The following CSTPP1 variants were observed in gnomAD, a reference collection of about 807,000 sequenced individuals.
CSTPP1 encodes the protein UPF0705 protein C11orf49.
At chr11:46,957,947 C>T in the CSTPP1 span, among the ~76,000 whole-genome samples, 1 of 152,122 alleles carries the variant, frequency 6.6e-6, no homozygotes, top group Admixed American at 6.5e-5. Context: ...TATAGATATA[C>T]AGCTGACCCT....
the CSTPP1 span, among the ~76,000 whole-genome samples, chr11:47,112,457 G>T: frequency 1.3e-5 from 2 of 152,090 alleles, no homozygotes; most frequent in African/African-American, 2.4e-5. Flanking sequence ...GAGTAGCTGG[G>T]ATTACAGGCA....
the CSTPP1 span, among the ~76,000 whole-genome samples, chr11:47,053,167 G>C: frequency 6.6e-6 from 1 of 152,100 alleles, no homozygotes; most frequent in African/African-American, 2.4e-5. Flanking sequence ...GGAGAGAAGG[G>C]CATCCTAGGT....
At chr11:47,007,409 C>T in the CSTPP1 span, among the ~76,000 whole-genome samples, 1 of 152,128 alleles carries the variant, frequency 6.6e-6, no homozygotes, top group Admixed American at 6.5e-5. Context: ...CTCTTCATTT[C>T]TGTGTAATTT....
At chr11:47,072,449 G>A in the CSTPP1 span, among the ~76,000 whole-genome samples, 5 of 152,208 alleles carry the variant, frequency 3.3e-5, no homozygotes, top group Admixed American at 2.6e-4. Context: ...CACCACTATC[G>A]TTTAAACAAG....
At chr11:47,113,855 G>T in the CSTPP1 span, among the ~76,000 whole-genome samples, 1 of 150,738 alleles carries the variant, frequency 6.6e-6, no homozygotes, top group African/African-American at 2.4e-5. Context: ...AGTTTAATTC[G>T]ATCCCATTTG....
chr11:47,063,632 C>T, the CSTPP1 span, among the ~76,000 whole-genome samples: 1 of 152,106 alleles, frequency 6.6e-6, no homozygotes, highest in African/African-American at 2.4e-5. Flanking sequence ...AAAGTGCATC[C>T]ATGTTGTAAT....
chr11:47,049,277 A>G, the CSTPP1 span, among the ~76,000 whole-genome samples: 1 of 152,052 alleles, frequency 6.6e-6, no homozygotes, highest in Non-Finnish European at 1.5e-5. Context: ...ATAAGCCACC[A>G]TGCCTGGCCC....
the CSTPP1 span, among the ~76,000 whole-genome samples, chr11:46,965,381 C>T: frequency 2.0e-3 from 304 of 151,854 alleles, no homozygotes; most frequent in African/African-American, 7.2e-3. Context: ...TGCACCACCA[C>T]GCCCAGCTAA....
chr11:46,990,763 T>C, the CSTPP1 span, among the ~76,000 whole-genome samples: 1 of 152,202 alleles, frequency 6.6e-6, no homozygotes, highest in Non-Finnish European at 1.5e-5. Context: ...TAGTTTGAGA[T>C]CTTACATTTA....
the CSTPP1 span, among the ~76,000 whole-genome samples, chr11:47,008,088 C>G: frequency 6.6e-6 from 1 of 152,124 alleles, no homozygotes; most frequent in African/African-American, 2.4e-5. Flanking sequence ...CTGCCTCAGC[C>G]TCCCAAGTAG....
the CSTPP1 span, among the ~76,000 whole-genome samples, chr11:47,152,467 T>C: frequency 6.6e-6 from 1 of 152,090 alleles, no homozygotes; most frequent in South Asian, 2.1e-4. Flanking sequence ...TCTAGTCCCA[T>C]CTGTGGCTGA....
At chr11:47,002,460 C>T in the CSTPP1 span, among the ~76,000 whole-genome samples, 1 of 152,142 alleles carries the variant, frequency 6.6e-6, no homozygotes, top group South Asian at 2.1e-4. Flanking sequence ...TTCTTCAGTC[C>T]CTTTGTATTA....
the CSTPP1 span, among the ~76,000 whole-genome samples, chr11:46,950,493 C>T: frequency 6.6e-6 from 1 of 151,762 alleles, no homozygotes; most frequent in African/African-American, 2.4e-5. Flanking sequence ...CTTTTAAATT[C>T]TAATCCCTTA....
chr11:47,095,812 G>A, the CSTPP1 span, among the ~76,000 whole-genome samples: 5 of 152,184 alleles, frequency 3.3e-5, no homozygotes, highest in Non-Finnish European at 7.3e-5. Flanking sequence ...CACTGTAGAA[G>A]AGCAGTAGTG....
At chr11:47,089,139 C>T in the CSTPP1 span, among the ~76,000 whole-genome samples, 5 of 152,202 alleles carry the variant, frequency 3.3e-5, no homozygotes, top group Middle Eastern at 3.4e-3. Context: ...GTAGTTCACA[C>T]GCCTCCCCTG....
chr11:46,956,682 T>TAACA, the CSTPP1 span, among the ~76,000 whole-genome samples: 2 of 152,128 alleles, frequency 1.3e-5, no homozygotes, highest in Non-Finnish European at 2.9e-5. Flanking sequence ...AACAATTTTT[T>TAACA]TTTGCTGTGT....
chr11:47,044,323 T>G, the CSTPP1 span, among the ~76,000 whole-genome samples: 1 of 152,086 alleles, frequency 6.6e-6, no homozygotes, highest in Non-Finnish European at 1.5e-5. Flanking sequence ...CACTTTGACT[T>G]CTGTTTTGTT....
chr11:46,993,007 A>G, the CSTPP1 span, among the ~76,000 whole-genome samples: 3 of 152,108 alleles, frequency 2.0e-5, no homozygotes, highest in African/African-American at 7.2e-5. Flanking sequence ...GCATTTTTTC[A>G]TGTGTCTGTT....
the CSTPP1 span, among the ~76,000 whole-genome samples, chr11:47,005,590 T>G: frequency 6.6e-6 from 1 of 152,010 alleles, no homozygotes; most frequent in African/African-American, 2.4e-5. Context: ...GAAGGTAGAG[T>G]TTGGATAAAC....
Sources: gnomAD v4.1 joint callset for allele counts (sites outside exome capture counted in the v4.1 genomes callset) on GRCh38, gnomAD v4.1.1 for gene constraint, MANE v1.5 for transcripts, NCBI Gene and HGNC (gene_info 2026-07-23, HGNC 2026-07-21) for gene names.